The following SLC44A1 variants were observed in gnomAD, a reference collection of about 807,000 sequenced individuals.
The protein encoded by SLC44A1 is choline transporter-like protein 1.
Under a neutral mutation model 79.3 loss-of-function variants are expected in SLC44A1, and 26 were observed. That is an observed-to-expected ratio of 0.33 (90% CI 0.24 to 0.46). The LOEUF is 0.46. Among genes scored for constraint, SLC44A1 ranks in the 20% least tolerant of loss-of-function variants. The pLI, the probability that SLC44A1 is intolerant of heterozygous loss-of-function variation, is 1.00. For missense variants in SLC44A1, 688 were observed against 798.1 expected, an observed-to-expected ratio of 0.86 and a Z score of 1.66; for synonymous variants, 263 against 286.2, an observed-to-expected ratio of 0.92 and a Z score of 0.82.
chr9:105,282,328 T>G lies in SLC44A1; in HGVS notation c.37-16892T>G, dbSNP rs115198341. ...CACTGTTCCCCCTCACTTATTTGAG[T>G]GTGTCTAATCTAATCACTTTTGATC... On this transcript the variant is annotated intron_variant, in intron 1 of 15. Transcript: ENST00000374720. Among the ~76,000 whole-genome samples, 1,085 of 152,138 alleles carry G rather than the reference T, an allele frequency of 7.1e-3. 11 individuals are homozygous for G. Among genetic ancestry groups the G allele is most frequent in the African/African-American group, 0.024 (1,006 of 41,512 alleles).
chr9:105,388,964 A>G, intron 15 of SLC44A1, 69 bp from the exon 16 acceptor site: 1 of 1,184,344 alleles, frequency 8.4e-7, no homozygotes, highest in South Asian at 1.2e-5. Flanking sequence ...GTATATTTGT[A>G]ACATCATTCA....
At chr9:105,344,261 C>T (rs1174662842) in intron 4 of SLC44A1, among the ~76,000 whole-genome samples, 2 of 151,964 alleles carry the variant, frequency 1.3e-5, no homozygotes, top group Admixed American at 6.6e-5. Context: ...AAAATTAGCC[C>T]CCAGCATAGA....
At chr9:105,335,479 C>G in intron 3 of SLC44A1, 84 bp from the exon 4 acceptor site, 1 of 979,848 alleles carries the variant, frequency 1.0e-6, no homozygotes, top group South Asian at 2.1e-5. Context: ...AATAGATGTT[C>G]TTTGCTCTAG....
intron 1 of SLC44A1, among the ~76,000 whole-genome samples, chr9:105,259,890 G>A (rs327995): frequency 0.2 from 30,664 of 152,040 alleles, 5,353 homozygotes; most frequent in African/African-American, 0.47. Context: ...AGTTTAATGT[G>A]ATCTGAGAAA....
chr9:105,315,715 T>C (rs142240591), intron 3 of SLC44A1, among the ~76,000 whole-genome samples: 23 of 152,332 alleles, frequency 1.5e-4, no homozygotes, highest in African/African-American at 5.5e-4. Flanking sequence ...CTGAATCTTA[T>C]CGACTGTGCA....
intron 15 of SLC44A1, among the ~76,000 whole-genome samples, chr9:105,428,218 T>G (rs1829347676): frequency 6.6e-6 from 1 of 152,150 alleles, no homozygotes; most frequent in South Asian, 2.1e-4. Context: ...AGTTAAATAG[T>G]TACCTATATT....
At chr9:105,341,429 T>A (rs549086235) in intron 4 of SLC44A1, among the ~76,000 whole-genome samples, 3 of 152,120 alleles carry the variant, frequency 2.0e-5, no homozygotes, top group Admixed American at 2.0e-4. Flanking sequence ...CAAATGTGCA[T>A]TTATTTTTAT....
Position 105,394,007 on chromosome 9 carries a change from G to A in SLC44A1, c.*4951G>A, listed in dbSNP as rs1828821710. 1.0e-6 allele frequency: 1 copy of A among 985,058 alleles called. No homozygotes were observed. The highest frequency in any genetic ancestry group is 1.2e-6 in the Non-Finnish European group (1 of 829,638). The allele number at this position is 985,058 out of a possible 1,614,324, so 61.0% of individuals were successfully genotyped here. A position where few individuals can be genotyped will look rare whatever the true frequency, so the allele number is the denominator to read the frequency against. ...ATATTCAAAAACAAGTTATTTTGAAGAGACAATGGGTCTCTTTGAGCTTAA... is the reference window on the plus strand; with the variant it reads ...ATATTCAAAAACAAGTTATTTTGAAAAGACAATGGGTCTCTTTGAGCTTAA... On this transcript the variant is annotated 3_prime_UTR_variant, in exon 16 of 16. Transcript: ENST00000374720.
chr9:105,318,155 T>A (rs1831376235), intron 3 of SLC44A1, among the ~76,000 whole-genome samples: 1 of 152,196 alleles, frequency 6.6e-6, no homozygotes. Flanking sequence ...AAATGAAAAC[T>A]TATTGTATTA....
chr9:105,266,782 A>G (rs747968729), intron 1 of SLC44A1, among the ~76,000 whole-genome samples: 15 of 152,174 alleles, frequency 9.9e-5, no homozygotes, highest in Admixed American at 3.3e-4. Context: ...TATTTTGACT[A>G]TTATAGTTCT....
intron 1 of SLC44A1, among the ~76,000 whole-genome samples, chr9:105,297,413 C>T (rs2089807): frequency 0.15 from 22,685 of 151,996 alleles, 2,353 homozygotes; most frequent in African/African-American, 0.29. Flanking sequence ...GATGGAGTTG[C>T]GCTCTTGTTG....
chr9:105,410,842 C>T (rs573975536), intron 15 of SLC44A1, among the ~76,000 whole-genome samples: 3 of 152,226 alleles, frequency 2.0e-5, no homozygotes, highest in African/African-American at 4.8e-5. Context: ...CAACAAAATA[C>T]TACTCAGCTG....
chr9:105,401,042 G>A (rs2131498503), downstream of SLC44A1, among the ~76,000 whole-genome samples: 1 of 152,284 alleles, frequency 6.6e-6, no homozygotes, highest in Admixed American at 6.5e-5. Context: ...GCCTCTGAGT[G>A]GAAGCCCCTC....
intron 1 of SLC44A1, among the ~76,000 whole-genome samples, 181 bp downstream of exon 1, chr9:105,245,085 C>T (rs1203666528): frequency 1.3e-5 from 2 of 152,082 alleles, no homozygotes; most frequent in Non-Finnish European, 2.9e-5. Context: ...CGTGCGCTGG[C>T]TCCGCGGCTG....
intron 14 of SLC44A1, among the ~76,000 whole-genome samples, chr9:105,383,845 CAG>C (rs2131467343): frequency 6.6e-6 from 1 of 152,322 alleles, no homozygotes; most frequent in East Asian, 1.9e-4. Context: ...ATACCGATAA[CAG>C]ACCCATGACT....
At chr9:105,304,614 G>C (rs1213438207) in intron 2 of SLC44A1, among the ~76,000 whole-genome samples, 1 of 152,110 alleles carries the variant, frequency 6.6e-6, no homozygotes, top group African/African-American at 2.4e-5. Context: ...CTTTCCCTTA[G>C]AATCATAATA....
At chr9:105,421,110 C>T (rs1185827001) in intron 15 of SLC44A1, among the ~76,000 whole-genome samples, 1 of 152,050 alleles carries the variant, frequency 6.6e-6, no homozygotes, top group African/African-American at 2.4e-5. Flanking sequence ...AACTATTTCA[C>T]CTTAAAATTA....
chr9:105,387,015 G>C (rs1418105676), intron 15 of SLC44A1, among the ~76,000 whole-genome samples: 1 of 85,190 alleles, frequency 1.2e-5, no homozygotes, highest in Non-Finnish European at 2.5e-5. Context: ...TTCCAGCCTG[G>C]GCGACAGAGC....
At chr9:105,379,883 A>G (rs1291057676) in intron 13 of SLC44A1, among the ~76,000 whole-genome samples, 1 of 152,220 alleles carries the variant, frequency 6.6e-6, no homozygotes, top group Non-Finnish European at 1.5e-5. Context: ...TTCTCACACT[A>G]ATTATATCTT....
Sources: gnomAD v4.1 joint callset for allele counts (sites outside exome capture counted in the v4.1 genomes callset) on GRCh38, gnomAD v4.1.1 for gene constraint, MANE v1.5 for transcripts, NCBI Gene and HGNC (gene_info 2026-07-23, HGNC 2026-07-21) for gene names.